Variants in DENND4C observed in about 807,000 individuals in gnomAD.
DENND4C encodes DENN domain-containing protein 4C.
Under a neutral mutation model 203.0 loss-of-function variants are expected in DENND4C, and 108 were observed. The ratio of observed to expected loss-of-function variants is 0.53; its 90% CI spans 0.46 to 0.62. The LOEUF is 0.62. Ranked by LOEUF, DENND4C falls within the 20% of genes least tolerant of loss-of-function variation. DENND4C has a pLI of 0.00. For missense variants in DENND4C, 2,481 were observed against 2,301.2 expected (o/e 1.08, Z -1.60); for synonymous variants, 871 against 792.4 (o/e 1.10, Z -1.67).
intron 19 of DENND4C, 132 bp downstream of exon 19, chr9:19,336,546 CT>C: frequency 1.4e-6 from 2 of 1,431,362 alleles, no homozygotes; most frequent in Non-Finnish European, 1.8e-6. Flanking sequence ...GACAGATTGT[CT>C]TAGTCCAAAA....
chr9:19,296,135 A>G lies in DENND4C; in HGVS notation c.929A>G (p.Asn310Ser). The G allele has an allele frequency of 6.2e-7, 1 of 1,614,024 alleles. No homozygotes were observed. Among genetic ancestry groups the G allele is most frequent in the Non-Finnish European group, 8.5e-7 (1 of 1,179,984 alleles). The stretch of plus-strand genomic sequence containing the variant: ...ATGGTCTCCAAATCCATCAATACAA[A>G]CAAATGCATTTGTTTACTCTCACAC... ...RKMVSKSINT[N>S]KCICLLSHWP... The change falls in exon 6 of 33, where the codon AAC (asparagine) becomes AGC (serine). Residue 310 changes from asparagine (N) to serine (S), a missense_variant. Physicochemically the swap from Asn to Ser is conservative, Grantham distance 46. Transcript: ENST00000434457.
Position 19,345,977 on chromosome 9 carries a change from G to T in DENND4C, c.3208G>T (p.Gly1070Cys). 1 of 1,613,964 alleles carries T rather than the reference G, an allele frequency of 6.2e-7. No individual in the cohort carries two copies. The highest frequency in any genetic ancestry group is 8.5e-7 in the Non-Finnish European group (1 of 1,180,026). Residue 1070 changes from glycine (G) to cysteine (C), a missense_variant, in exon 23 of 33, where the codon GGC becomes TGC. Gly to Cys is a radical substitution (Grantham distance 159, BLOSUM62 -3). Coordinates refer to ENST00000434457, the MANE Select transcript of DENND4C (RefSeq NM_001330640.2). ...TQDPVEDAVF[G>C]EATNLKKNGD... ...AGATCCAGTTGAAGATGCAGTCTTT[G>T]GCGAAGCTACTAATCTCAAGAAGAA... is the stretch of plus-strand genomic sequence containing the variant.
chr9:19,362,272 T>C (rs1826662416), intron 30 of DENND4C, among the ~76,000 whole-genome samples: 1 of 151,876 alleles, frequency 6.6e-6, no homozygotes, highest in Non-Finnish European at 1.5e-5. Context: ...AGATTGTATC[T>C]CAAACAAAAC....
chr9:19,252,150 A>T (rs373808057), intron 1 of DENND4C, among the ~76,000 whole-genome samples: 14 of 152,310 alleles, frequency 9.2e-5, no homozygotes, highest in African/African-American at 2.9e-4. Context: ...GAGGCCTCAC[A>T]ATCATGGCAG....
intron 2 of DENND4C, among the ~76,000 whole-genome samples, chr9:19,281,938 G>T (rs912758405): frequency 6.6e-6 from 1 of 152,184 alleles, no homozygotes; most frequent in Non-Finnish European, 1.5e-5. Context: ...AGTCACACCT[G>T]TATAGGGCAC....
At chr9:19,334,300 C>T (rs1563813925) in intron 17 of DENND4C, among the ~76,000 whole-genome samples, 1 of 152,076 alleles carries the variant, frequency 6.6e-6, no homozygotes, top group Non-Finnish European at 1.5e-5. Context: ...ATCTGCCTGC[C>T]TGGGCCTCCC....
chr9:19,348,802 AGT>A (rs1208983677), intron 23 of DENND4C, among the ~76,000 whole-genome samples: 30 of 151,918 alleles, frequency 2.0e-4, no homozygotes, highest in Admixed American at 2.0e-3. Context: ...GAAAAAAAAA[AGT>A]GTATCATTTT....
At chr9:19,296,329 A>C (rs1837452978) in intron 6 of DENND4C, 83 bp downstream of exon 6, 2 of 995,458 alleles carry the variant, frequency 2.0e-6, no homozygotes, top group Middle Eastern at 3.1e-4. Flanking sequence ...TTTAGCAGCA[A>C]AGTTGGAAGG....
At chr9:19,231,125 G>C (rs1564067028) in intron 1 of DENND4C, among the ~76,000 whole-genome samples, 1 of 152,210 alleles carries the variant, frequency 6.6e-6, no homozygotes, top group Non-Finnish European at 1.5e-5. Flanking sequence ...CATGAGAATC[G>C]TTTGCGTACA....
chr9:19,290,479 A>G (rs778852367), intron 4 of DENND4C, among the ~76,000 whole-genome samples: 28 of 152,336 alleles, frequency 1.8e-4, no homozygotes, highest in South Asian at 6.2e-4. Context: ...CTCAACTAGT[A>G]TATTAATACA....
In DENND4C at chr9:19,298,063, T is replaced by A; in HGVS notation, c.1048T>A (p.Ser350Thr). 1 of 1,609,022 alleles carries A rather than the reference T, an allele frequency of 6.2e-7. No individual in the cohort carries two copies. The highest frequency in any genetic ancestry group is 1.3e-5 in the African/African-American group (1 of 74,978). Residue 350 changes from serine (S) to threonine (T), a missense_variant, in exon 7 of 33, where the codon TCA becomes ACA. Around this residue, in one of 3 missense-constraint regions of DENND4C, gnomAD observed 2,289 missense variants for 2,113.3 expected, o/e 1.08. Coordinates refer to ENST00000434457, the MANE Select transcript of DENND4C (RefSeq NM_001330640.2). ...TCAAATTTTTTTTTCTAGGCACATTTCACATTTTATGCAAAACATCCCTTT... is the reference window on the plus strand; with the variant it reads ...TCAAATTTTTTTTTCTAGGCACATTACACATTTTATGCAAAACATCCCTTT... ...PHPLPIEKHI[S>T]HFMQNIPFPS...
intron 6 of DENND4C, among the ~76,000 whole-genome samples, chr9:19,296,454 T>C (rs1837485869): frequency 6.7e-6 from 1 of 149,866 alleles, no homozygotes; most frequent in Admixed American, 6.7e-5. Context: ...AACCTCCACC[T>C]CCTGGGTTCA....
Position 19,357,009 on chromosome 9 carries a change from C to G in DENND4C, c.4819C>G (p.Gln1607Glu), listed in dbSNP as rs1478221380. 1.2e-6 allele frequency: 2 copies of G among 1,613,690 alleles called. No homozygotes were observed. Among genetic ancestry groups the G allele is most frequent in the Non-Finnish European group, 1.7e-6 (2 of 1,179,844 alleles). ...ACCAAGTACCTCTGGTGACAGTTTA[C>G]AAAGTGGAAGCATTCCATTGGCAAA... ...LKPSTSGDSL[Q>E]SGSIPLANES... The change falls in exon 27 of 33, where the codon CAA becomes GAA. Residue 1607 changes from glutamine to glutamate, a missense_variant. Physicochemically the swap from Gln to Glu is conservative, Grantham distance 29. Around this residue, in one of 3 missense-constraint regions of DENND4C, gnomAD observed 2,289 missense variants for 2,113.3 expected, o/e 1.08. Coordinates refer to ENST00000434457, the MANE Select transcript of DENND4C (RefSeq NM_001330640.2).
intron 1 of DENND4C, among the ~76,000 whole-genome samples, chr9:19,270,709 A>G (rs1831467066): frequency 6.6e-6 from 1 of 152,144 alleles, no homozygotes; most frequent in African/African-American, 2.4e-5. Context: ...GTTACCATTT[A>G]TCTTAACAGT....
intron 1 of DENND4C, among the ~76,000 whole-genome samples, chr9:19,274,164 A>G (rs1832357393): frequency 1.3e-5 from 2 of 152,080 alleles, no homozygotes; most frequent in African/African-American, 4.8e-5. Context: ...AAAAGAATAC[A>G]TACTGTATGA....
intron 22 of DENND4C, among the ~76,000 whole-genome samples, chr9:19,345,659 TG>T (rs1428053283): frequency 6.6e-6 from 1 of 152,218 alleles, no homozygotes; most frequent in African/African-American, 2.4e-5. Context: ...ATCTATCATA[TG>T]TTGCATGATT....
At chr9:19,275,765 C>G (rs1164677523) in intron 1 of DENND4C, among the ~76,000 whole-genome samples, 1 of 152,066 alleles carries the variant, frequency 6.6e-6, no homozygotes, top group Admixed American at 6.6e-5. Context: ...GCCACCATGC[C>G]CAGCCTAATA....
chr9:19,233,550 G>A (rs1282158625), intron 1 of DENND4C, among the ~76,000 whole-genome samples: 2 of 142,962 alleles, frequency 1.4e-5, no homozygotes, highest in Non-Finnish European at 3.0e-5. Flanking sequence ...GCTTAACATG[G>A]TATTTGAAAC....
intron 1 of DENND4C, among the ~76,000 whole-genome samples, chr9:19,263,278 T>C (rs551665042): frequency 1.4e-4 from 21 of 152,342 alleles, no homozygotes; most frequent in African/African-American, 4.6e-4. Flanking sequence ...GTCTCCCTGG[T>C]TTAAATCCCA....
Sources: allele counts gnomAD v4.1 joint callset (sites outside exome capture counted in the v4.1 genomes callset), GRCh38; gene constraint gnomAD v4.1.1; regional missense constraint gnomAD v4.1.1; transcripts MANE v1.5; gene names NCBI Gene and HGNC (gene_info 2026-07-23, HGNC 2026-07-21).